The following TGFBR1 variants were observed in gnomAD, a reference collection of about 807,000 sequenced individuals.
The protein encoded by TGFBR1 is TGF-beta receptor type-1.
Under a neutral mutation model 55.1 loss-of-function variants are expected in TGFBR1, and 20 were observed. The observed-to-expected ratio is 0.36, with a 90% confidence interval of 0.26 to 0.53. The LOEUF is 0.53. Among genes scored for constraint, TGFBR1 ranks in the 20% least tolerant of loss-of-function variants. The pLI, the probability that TGFBR1 is intolerant of heterozygous loss-of-function variation, is 0.91. For missense variants in TGFBR1, 385 were observed against 617.6 expected (o/e 0.62, Z 3.99); for synonymous variants, 220 against 214.8 (o/e 1.02, Z -0.21).
chr9:99,119,456 T>C (rs760088840), intron 1 of TGFBR1, among the ~76,000 whole-genome samples: 10 of 152,060 alleles, frequency 6.6e-5, no homozygotes, highest in Non-Finnish European at 1.5e-4. Context: ...ACGTGAGGGG[T>C]TGTGGGGAGT....
Position 99,132,519 on chromosome 9 carries a change from A to G in TGFBR1, c.354A>G (p.Ser118=). 6.2e-7 allele frequency: 1 copy of G among 1,614,066 alleles called. No individual in the cohort carries two copies. Among genetic ancestry groups the G allele is most frequent in the Non-Finnish European group, 8.5e-7 (1 of 1,180,016 alleles). The part of the protein sequence containing the change: ...KIELPTTVKS[S]PGLGPVELAA... ...GAGGCCCTTTTTCAGTAAAGTCATC[A>G]CCTGGCCTTGGTCCTGTGGAACTGG... The change falls in exon 3 of 9, where the codon TCA becomes TCG. Residue 118 remains serine (S), a synonymous_variant. Transcript: ENST00000374994.
In TGFBR1 at chr9:99,153,945, G is replaced by A. The variant is rs1217115929; in HGVS notation, c.*4640G>A. 3 of 214,734 alleles carry A rather than the reference G, an allele frequency of 1.4e-5. No individual in the cohort carries two copies. The highest frequency in any genetic ancestry group is 2.8e-5 in the Non-Finnish European group (3 of 106,258). The allele number at this position is 214,734 out of a possible 1,614,324, so 13.3% of individuals were successfully genotyped here. A position where few individuals can be genotyped will look rare whatever the true frequency, so the allele number is the denominator to read the frequency against. ...TGCCTTTGGGTCAGCACATTTGTTA[G>A]TCTCCTGGGGGTGAAAACTTGGCTT... is the stretch of plus-strand genomic sequence containing the variant. On this transcript the variant is annotated 3_prime_UTR_variant, in exon 9 of 9. Transcript: ENST00000374994.
At chr9:99,136,104 G>T (rs1240319706) in intron 3 of TGFBR1, among the ~76,000 whole-genome samples, 1 of 152,080 alleles carries the variant, frequency 6.6e-6, no homozygotes, top group African/African-American at 2.4e-5. Flanking sequence ...ATCCAACCAC[G>T]TCGGCCTCCT....
At chr9:99,145,343 C>T (rs571669645) in intron 6 of TGFBR1, among the ~76,000 whole-genome samples, 1 of 152,288 alleles carries the variant, frequency 6.6e-6, no homozygotes, top group South Asian at 2.1e-4. Flanking sequence ...GTTTCTCAGC[C>T]TCATACCCAC....
At position 99,141,070 on chromosome 9, in the gene TGFBR1, A is replaced by G. The variant is rs182189645; in HGVS notation, c.806-1466A>G. Among the ~76,000 whole-genome samples, 3 of 152,198 alleles carry G rather than the reference A, an allele frequency of 2.0e-5. No homozygotes were observed. In the East Asian group the frequency reaches 5.8e-4, roughly 29 times the overall value. The stretch of plus-strand genomic sequence containing the variant: ...CCACCCCCGGCAGCCCTTTATATTT[A>G]TGGCCCCTTACATATAACCTTCCTT... On this transcript the variant is annotated intron_variant, in intron 4 of 8. Transcript: ENST00000374994.
At chr9:99,144,128 A>T (rs11568792) in intron 5 of TGFBR1, among the ~76,000 whole-genome samples, 1 of 152,138 alleles carries the variant, frequency 6.6e-6, no homozygotes, top group Non-Finnish European at 1.5e-5. Context: ...ATGTAGTTTC[A>T]TGTTTTCAGT....
chr9:99,126,032 G>A (rs1248721416), intron 1 of TGFBR1, among the ~76,000 whole-genome samples: 1 of 152,178 alleles, frequency 6.6e-6, no homozygotes, highest in Non-Finnish European at 1.5e-5. Flanking sequence ...ATTGAAAGGA[G>A]ATACCAATTA....
chr9:99,104,694 G>A (rs1003162989), upstream of TGFBR1, among the ~76,000 whole-genome samples: 116 of 152,296 alleles, frequency 7.6e-4, no homozygotes, highest in African/African-American at 2.7e-3. Flanking sequence ...GGGTGGGGCT[G>A]AGGCAGTACC....
At chr9:99,114,477 AAGGGGTT>A (rs1274980130) in intron 1 of TGFBR1, among the ~76,000 whole-genome samples, 1 of 152,188 alleles carries the variant, frequency 6.6e-6, no homozygotes, top group Non-Finnish European at 1.5e-5. Flanking sequence ...TCCAAGTGGT[AAGGGGTT>A]ATTGCTGGAT....
chr9:99,122,167 G>A lies in TGFBR1; in HGVS notation c.98-6688G>A, dbSNP rs1036903827. Among the ~76,000 whole-genome samples the A allele has an allele frequency of 2.6e-5, 4 of 151,884 alleles. No individual in the cohort carries two copies. In the South Asian group the frequency reaches 6.2e-4, roughly 24 times the overall value. ...AGATGGGTGATAGAAGGCTGGAGAGGGCCAGTAACAAGGGTTGAAAAAGGA... is the reference window on the plus strand; with the variant it reads ...AGATGGGTGATAGAAGGCTGGAGAGAGCCAGTAACAAGGGTTGAAAAAGGA... On this transcript the variant is annotated intron_variant, in intron 1 of 8. Transcript: ENST00000374994.
intron 1 of TGFBR1, 22 bp downstream of exon 1, chr9:99,105,324 G>GGGCGACTGCGGGGCGCGCGGGCC: frequency 2.0e-6 from 2 of 981,096 alleles, no homozygotes; most frequent in Non-Finnish European, 2.4e-6. Flanking sequence ...CGCGGCGGGC[G>GGGCGACTGCGGGGCGCGCGGGCC]GGCGACTGCG....
At position 99,153,271 on chromosome 9, in the gene TGFBR1, G is replaced by T; in HGVS notation, c.*3966G>T. 1 of 220,720 alleles carries T rather than the reference G, an allele frequency of 4.5e-6. No homozygotes were observed. The highest frequency in any genetic ancestry group is 6.7e-5 in the East Asian group (1 of 14,946). 13.7% of individuals were successfully genotyped at this position (220,720 alleles called of 1,614,324 possible). A position where few individuals can be genotyped will look rare whatever the true frequency, so the allele number is the denominator to read the frequency against. ...GCAGTTTTATTTCTATAAAGTATGG[G>T]TATTATGTTGCTCAGTTACTCAAAT... On this transcript the variant is annotated 3_prime_UTR_variant, in exon 9 of 9. Coordinates refer to ENST00000374994, the MANE Select transcript of TGFBR1 (RefSeq NM_004612.4).
At chr9:99,111,045 T>C (rs1454830697) in intron 1 of TGFBR1, among the ~76,000 whole-genome samples, 1 of 152,234 alleles carries the variant, frequency 6.6e-6, no homozygotes, top group Non-Finnish European at 1.5e-5. Flanking sequence ...AGTTTTACTA[T>C]TTCTTTGCAA....
At chr9:99,112,362 G>C (rs1745538059) in intron 1 of TGFBR1, among the ~76,000 whole-genome samples, 1 of 152,138 alleles carries the variant, frequency 6.6e-6, no homozygotes, top group Non-Finnish European at 1.5e-5. Flanking sequence ...TCTTTGCTCA[G>C]ATGACACCTT....
intron 2 of TGFBR1, among the ~76,000 whole-genome samples, chr9:99,131,290 T>A (rs995693734): frequency 6.6e-6 from 1 of 152,060 alleles, no homozygotes; most frequent in Non-Finnish European, 1.5e-5. Context: ...CTAAAATTCT[T>A]GAAATAGGCC....
chr9:99,107,545 T>C (rs1210285934), intron 1 of TGFBR1, among the ~76,000 whole-genome samples: 1 of 152,208 alleles, frequency 6.6e-6, no homozygotes, highest in Non-Finnish European at 1.5e-5. Flanking sequence ...GCCTCTTGAA[T>C]GTCTCCTCCT....
rs1373142193 is a variant in TGFBR1 at position 99,149,404 on chromosome 9, G to T, written c.*99G>T. On this transcript the variant is annotated 3_prime_UTR_variant, in exon 9 of 9. Transcript: ENST00000374994. ...TCTACCTCACTGAGAGGGAACAGAAGGATATTGCTTCCTTTTGCAGCAGTG... is the reference window on the plus strand; with the variant it reads ...TCTACCTCACTGAGAGGGAACAGAATGATATTGCTTCCTTTTGCAGCAGTG... 6.6e-7 allele frequency: 1 copy of T among 1,521,898 alleles called. No individual in the cohort carries two copies. The highest frequency in any genetic ancestry group is 9.1e-7 in the Non-Finnish European group (1 of 1,099,302). The allele number at this position is 1,521,898 out of a possible 1,614,324, so 94.3% of individuals were successfully genotyped here.
intron 5 of TGFBR1, among the ~76,000 whole-genome samples, chr9:99,143,494 G>A (rs1169989550): frequency 2.0e-5 from 3 of 152,200 alleles, no homozygotes; most frequent in Non-Finnish European, 4.4e-5. Flanking sequence ...TTTTGTGCAT[G>A]TGGGATTTCA....
At chr9:99,140,446 ACT>A (rs1391379640) in intron 4 of TGFBR1, among the ~76,000 whole-genome samples, 2 of 151,424 alleles carry the variant, frequency 1.3e-5, no homozygotes, top group Non-Finnish European at 2.9e-5. Flanking sequence ...ACACAGGGAG[ACT>A]CTGTCTCAAA....
Sources: gnomAD v4.1 joint callset for allele counts (sites outside exome capture counted in the v4.1 genomes callset) on GRCh38, gnomAD v4.1.1 for gene constraint, MANE v1.5 for transcripts, NCBI Gene and HGNC (gene_info 2026-07-23, HGNC 2026-07-21) for gene names.